The following TMEM131L variants were observed in gnomAD, a reference collection of about 807,000 sequenced individuals.
The protein encoded by TMEM131L is transmembrane 131 like.
TMEM131L carries 54 observed loss-of-function variants against 192.2 expected under a neutral mutation model. That is an observed-to-expected ratio of 0.28 (90% CI 0.23 to 0.35). The LOEUF (loss-of-function observed/expected upper bound fraction) is 0.35. TMEM131L is among the 10% of genes least tolerant of loss of function. TMEM131L has a pLI of 1.00. For synonymous variants in TMEM131L, 701 were observed against 704.9 expected (o/e 0.99, Z 0.09); for missense variants, 1,888 against 1,972.9 (o/e 0.96, Z 0.82).
rs761487952 is a variant in TMEM131L at position 153,598,732 on chromosome 4, C to T, written c.2266C>T (p.Gln756Ter). 2.5e-6 allele frequency: 4 copies of T among 1,612,056 alleles called. No homozygotes were observed. Among genetic ancestry groups the T allele is most frequent in the East Asian group, 4.5e-5 (2 of 44,810 alleles). Residue 756 changes from glutamine to a stop codon, truncating the protein, a stop_gained and splice_region_variant, in exon 21 of 35, where the codon CAA (glutamine) becomes TAA (stop). Transcript: ENST00000409959. LOFTEE classifies it high-confidence loss of function. ...GTCCACGCTGATGGACTGCCGTAGACGTGAGTTCATATGTGTGGCACTCTG... is the reference window on the plus strand; with the variant it reads ...GTCCACGCTGATGGACTGCCGTAGATGTGAGTTCATATGTGTGGCACTCTG... ...PESTLMDCRRQLKDSKQILSI... is the reference protein window; with the variant it reads ...PESTLMDCRR
At chr4:153,611,019 A>G (rs896066889) in intron 25 of TMEM131L, among the ~76,000 whole-genome samples, 14 of 152,224 alleles carry the variant, frequency 9.2e-5, no homozygotes, top group African/African-American at 3.4e-4. Context: ...ATTTGCCTTT[A>G]TTGTGGGATA....
chr4:153,602,788 T>C lies in TMEM131L; in HGVS notation c.2639+61T>C, dbSNP rs1405731201. On this transcript the variant is annotated intron_variant, in intron 23 of 34. Coordinates refer to ENST00000409959, the MANE Select transcript of TMEM131L (RefSeq NM_001131007.2). The stretch of plus-strand genomic sequence containing the variant: ...GTAGAGAAGTCATCCAGGCAAGTTG[T>C]GTGAAAACGTGAACTGCCCGAGTGT... 6 of 1,473,520 alleles carry C rather than the reference T, an allele frequency of 4.1e-6. No individual in the cohort carries two copies. The African/African-American group carries it at 5.6e-5, about 14-fold the overall frequency. The allele number at this position is 1,473,520 out of a possible 1,614,324, so 91.3% of individuals were successfully genotyped here. A position where few individuals can be genotyped will look rare whatever the true frequency, so the allele number is the denominator to read the frequency against.
At chr4:153,588,673 C>G (rs754948325) in intron 15 of TMEM131L, among the ~76,000 whole-genome samples, 2 of 152,012 alleles carry the variant, frequency 1.3e-5, no homozygotes, top group Non-Finnish European at 2.9e-5. Flanking sequence ...TTACATAATT[C>G]GATTTAGTTT....
chr4:153,504,535 G>C (rs1043101934), intron 3 of TMEM131L, among the ~76,000 whole-genome samples: 4 of 150,630 alleles, frequency 2.7e-5, no homozygotes, highest in Non-Finnish European at 5.9e-5. Flanking sequence ...TGATCCACCT[G>C]CCTTAGCCTC....
intron 3 of TMEM131L, among the ~76,000 whole-genome samples, chr4:153,494,019 G>T (rs1732984708): frequency 6.6e-6 from 1 of 152,034 alleles, no homozygotes. Context: ...TGTCTGAGAA[G>T]CTAGAATTGT....
intron 21 of TMEM131L, among the ~76,000 whole-genome samples, chr4:153,600,359 C>T (rs368653871): frequency 7.1e-6 from 1 of 141,814 alleles, no homozygotes; most frequent in African/African-American, 2.6e-5. Context: ...AGAGTGAGAC[C>T]CTGTCTCAGA....
chr4:153,609,239 G>A (rs1034284133), intron 25 of TMEM131L, among the ~76,000 whole-genome samples: 3 of 152,164 alleles, frequency 2.0e-5, no homozygotes, highest in Non-Finnish European at 2.9e-5. Context: ...ATGGTGGAGG[G>A]GTAAAGGGGA....
intron 3 of TMEM131L, among the ~76,000 whole-genome samples, chr4:153,490,035 T>C (rs183289822): frequency 6.4e-4 from 97 of 152,228 alleles, no homozygotes; most frequent in Admixed American, 1.4e-3. Context: ...TCTGTTGGTT[T>C]GCCAGGAGAA....
At chr4:153,502,833 T>A (rs1373477263) in intron 3 of TMEM131L, among the ~76,000 whole-genome samples, 2 of 152,214 alleles carry the variant, frequency 1.3e-5, no homozygotes, top group Non-Finnish European at 2.9e-5. Context: ...CTCTTGATTG[T>A]CACTCCTGAG....
At chr4:153,532,750 A>G (rs1009338127) in intron 3 of TMEM131L, among the ~76,000 whole-genome samples, 2 of 152,218 alleles carry the variant, frequency 1.3e-5, no homozygotes. Context: ...TAGTCATAAA[A>G]TGTTTCTTAA....
At chr4:153,600,228 A>C (rs985977464) in intron 21 of TMEM131L, among the ~76,000 whole-genome samples, 1 of 152,058 alleles carries the variant, frequency 6.6e-6, no homozygotes. Context: ...TTAGCTAGGC[A>C]TGGTGGCAGA....
intron 27 of TMEM131L, 75 bp downstream of exon 27, chr4:153,620,955 T>C: frequency 1.7e-6 from 2 of 1,186,754 alleles, no homozygotes; most frequent in Non-Finnish European, 2.4e-6. Flanking sequence ...TATTCACTTT[T>C]AAACTTATTT....
chr4:153,550,099 A>G lies in TMEM131L; in HGVS notation c.266A>G (p.Lys89Arg), dbSNP rs1303654700. ...QSFSDKLFSG[K>R]GLHFQPSVLD... ...TTCTCGGACAAACTATTTAGTGGAA[A>G]AGGCTTACATTTTCAGCCATCAGTT... Residue 89 changes from lysine to arginine, a missense_variant, in exon 4 of 35, where the codon AAA becomes AGA. Physicochemically the swap from Lys to Arg is conservative, Grantham distance 26. Transcript: ENST00000409959. 6.7e-7 allele frequency: 1 copy of G among 1,495,286 alleles called. No homozygotes were observed. The highest frequency in any genetic ancestry group is 1.4e-5 in the African/African-American group (1 of 71,350). The allele number at this position is 1,495,286 out of a possible 1,614,324, so 92.6% of individuals were successfully genotyped here. A position where few individuals can be genotyped will look rare whatever the true frequency, so the allele number is the denominator to read the frequency against.
intron 19 of TMEM131L, among the ~76,000 whole-genome samples, chr4:153,595,738 C>G (rs1578827828): frequency 1.4e-5 from 2 of 148,088 alleles, no homozygotes; most frequent in South Asian, 4.2e-4. Flanking sequence ...AACACGACAT[C>G]TTGGAGAAAA....
At chr4:153,467,915 T>C (rs372735034) in intron 2 of TMEM131L, among the ~76,000 whole-genome samples, 3 of 152,196 alleles carry the variant, frequency 2.0e-5, no homozygotes, top group African/African-American at 7.2e-5. Flanking sequence ...CTGCAAAGCT[T>C]TTAACTTTTA....
At chr4:153,580,472 T>A (rs1320034405) in intron 7 of TMEM131L, among the ~76,000 whole-genome samples, 1 of 152,234 alleles carries the variant, frequency 6.6e-6, no homozygotes, top group Admixed American at 6.5e-5. Context: ...GATTCCTGTG[T>A]TTAAATAACA....
At chr4:153,501,390 C>A (rs1580082338) in intron 3 of TMEM131L, among the ~76,000 whole-genome samples, 1 of 152,046 alleles carries the variant, frequency 6.6e-6, no homozygotes, top group East Asian at 1.9e-4. Flanking sequence ...TTAGGAGAGA[C>A]AGGGTTTCAC....
chr4:153,592,658 C>A, intron 18 of TMEM131L, 74 bp downstream of exon 18: 1 of 1,006,600 alleles, frequency 9.9e-7, no homozygotes, highest in Non-Finnish European at 1.6e-6. Context: ...ATGTCCTACA[C>A]TTTTTCAACC....
intron 7 of TMEM131L, among the ~76,000 whole-genome samples, chr4:153,567,896 G>A (rs1366068086): frequency 6.6e-6 from 1 of 152,070 alleles, no homozygotes; most frequent in Non-Finnish European, 1.5e-5. Context: ...TTGAACTGGG[G>A]GCTCTCTGGA....
Sources: gnomAD v4.1 joint callset for allele counts (sites outside exome capture counted in the v4.1 genomes callset) on GRCh38, gnomAD v4.1.1 for gene constraint, MANE v1.5 for transcripts, NCBI Gene and HGNC (gene_info 2026-07-23, HGNC 2026-07-21) for gene names.